NRXN3: variants seen among roughly 807,000 people sequenced by gnomAD.
The protein encoded by NRXN3 is neurexin III.
A neutral mutation model predicts 137.6 loss-of-function variants in NRXN3; 32 were observed. The ratio of observed to expected loss-of-function variants is 0.23; its 90% CI spans 0.18 to 0.31. NRXN3 has a LOEUF of 0.31. NRXN3 is among the 10% of genes least tolerant of loss of function. The pLI, the probability that NRXN3 is intolerant of heterozygous loss-of-function variation, is 1.00. For synonymous variants in NRXN3, 798 were observed against 784.5 expected, an observed-to-expected ratio of 1.02 and a Z score of -0.29; for missense variants, 1,574 against 2,062.5, an observed-to-expected ratio of 0.76 and a Z score of 4.59.
chr14:79,508,225 AC>A (rs748780595), intron 16 of NRXN3, among the ~76,000 whole-genome samples: 29 of 152,022 alleles, frequency 1.9e-4, no homozygotes, highest in Non-Finnish European at 3.7e-4. Flanking sequence ...GAAATATTTA[AC>A]ACTAAACTTG....
chr14:79,829,021 C>G (rs1327782037), intron 20 of NRXN3, among the ~76,000 whole-genome samples: 1 of 152,160 alleles, frequency 6.6e-6, no homozygotes, highest in Non-Finnish European at 1.5e-5. Flanking sequence ...TTCCTTCTTC[C>G]TCACCATCAC....
intron 15 of NRXN3, among the ~76,000 whole-genome samples, chr14:79,134,825 G>T (rs1479500147): frequency 6.6e-6 from 1 of 152,144 alleles, no homozygotes; most frequent in African/African-American, 2.4e-5. Context: ...CTTGCTTTCT[G>T]TCTTTCCCAG....
intron 4 of NRXN3, among the ~76,000 whole-genome samples, chr14:78,427,583 GA>G (rs2093712622): frequency 6.6e-6 from 1 of 152,228 alleles, no homozygotes; most frequent in Non-Finnish European, 1.5e-5. Context: ...AAATGTAAAA[GA>G]AATTGCATCT....
At chr14:78,391,065 G>A (rs554997818) in intron 4 of NRXN3, among the ~76,000 whole-genome samples, 7 of 152,132 alleles carry the variant, frequency 4.6e-5, no homozygotes, top group Admixed American at 1.3e-4. Flanking sequence ...AGTTTGCCAA[G>A]GATAATGACT....
intron 15 of NRXN3, among the ~76,000 whole-genome samples, chr14:79,411,798 C>T (rs1468639816): frequency 3.3e-5 from 5 of 151,942 alleles, no homozygotes; most frequent in African/African-American, 4.8e-5. Context: ...TATTCTAGAC[C>T]GTATAGTGGA....
chr14:79,328,022 G>A (rs1318839319), intron 15 of NRXN3, among the ~76,000 whole-genome samples: 1 of 152,138 alleles, frequency 6.6e-6, no homozygotes, highest in African/African-American at 2.4e-5. Context: ...TGGGTTGATA[G>A]GTGCAGCAAA....
chr14:79,058,730 G>A (rs1015566920), intron 15 of NRXN3, among the ~76,000 whole-genome samples: 1 of 152,120 alleles, frequency 6.6e-6, no homozygotes, highest in African/African-American at 2.4e-5. Context: ...CCTGTAGTCC[G>A]CAAGTGTTGA....
chr14:79,288,201 A>G (rs1425928302), intron 15 of NRXN3, among the ~76,000 whole-genome samples: 1 of 152,226 alleles, frequency 6.6e-6, no homozygotes, highest in Non-Finnish European at 1.5e-5. Context: ...CTGTGATGTT[A>G]TAAAGCCCAC....
At chr14:78,987,393 G>A (rs1274665795) in intron 14 of NRXN3, among the ~76,000 whole-genome samples, 5 of 152,084 alleles carry the variant, frequency 3.3e-5, no homozygotes, top group Non-Finnish European at 5.9e-5. Context: ...TCTGTAAAGT[G>A]GAGGTAATCA....
chr14:79,605,028 T>C (rs1385214042), intron 16 of NRXN3, among the ~76,000 whole-genome samples: 6 of 152,110 alleles, frequency 3.9e-5, no homozygotes, highest in Non-Finnish European at 8.8e-5. Context: ...TGAGACTCCA[T>C]CTCAAAAAAA....
intron 4 of NRXN3, among the ~76,000 whole-genome samples, chr14:78,475,418 G>A (rs891519490): frequency 5.9e-5 from 9 of 152,136 alleles, no homozygotes; most frequent in South Asian, 2.1e-4. Context: ...GGTACCCAGA[G>A]CATGTTGCAT....
intron 15 of NRXN3, among the ~76,000 whole-genome samples, chr14:79,058,911 C>T (rs541450429): frequency 7.6e-4 from 116 of 152,246 alleles, no homozygotes; most frequent in African/African-American, 2.6e-3. Flanking sequence ...CACCTTACGC[C>T]GTGATTGTAA....
At chr14:79,372,557 TG>T (rs1165086381) in intron 15 of NRXN3, among the ~76,000 whole-genome samples, 1 of 152,134 alleles carries the variant, frequency 6.6e-6, no homozygotes, top group East Asian at 1.9e-4. Context: ...TTTAGACTGT[TG>T]TCTACCACTG....
intron 8 of NRXN3, among the ~76,000 whole-genome samples, chr14:78,753,321 C>T (rs1019851720): frequency 5.3e-5 from 8 of 152,066 alleles, no homozygotes; most frequent in Admixed American, 1.3e-4. Context: ...TTGGGGTTAG[C>T]GGCTGGGTGA....
chr14:79,540,758 T>C (rs1460558010), intron 16 of NRXN3, among the ~76,000 whole-genome samples: 1 of 152,218 alleles, frequency 6.6e-6, no homozygotes, highest in Non-Finnish European at 1.5e-5. Flanking sequence ...AACTGAGTTT[T>C]AAAGACCACT....
intron 13 of NRXN3, 69 bp from the exon 14 acceptor site, chr14:78,968,104 T>C (rs1598025251): frequency 3.5e-6 from 2 of 574,728 alleles, no homozygotes; most frequent in East Asian, 1.7e-4. Flanking sequence ...ATCTCAAGTG[T>C]ATCAAACTAG....
chr14:78,322,837 C>A (rs551180261), intron 4 of NRXN3, among the ~76,000 whole-genome samples: 4 of 151,998 alleles, frequency 2.6e-5, no homozygotes, highest in Admixed American at 2.6e-4. Context: ...GAGCCTCACA[C>A]ACTCTGTGAC....
At chr14:79,443,172 A>C (rs1216198456) in intron 15 of NRXN3, among the ~76,000 whole-genome samples, 2 of 152,248 alleles carry the variant, frequency 1.3e-5, no homozygotes, top group African/African-American at 4.8e-5. Context: ...AGAGACCCTT[A>C]GAGTTCATGT....
intron 19 of NRXN3, among the ~76,000 whole-genome samples, chr14:79,792,791 C>T (rs2099149342): frequency 6.6e-6 from 1 of 152,142 alleles, no homozygotes; most frequent in African/African-American, 2.4e-5. Flanking sequence ...GCCTTAAAGC[C>T]AATGCGAGCA....
Sources: gnomAD v4.1 joint callset for allele counts (sites outside exome capture counted in the v4.1 genomes callset) on GRCh38, gnomAD v4.1.1 for gene constraint, MANE v1.5 for transcripts, NCBI Gene and HGNC (gene_info 2026-07-23, HGNC 2026-07-21) for gene names.